DBP: variants seen among roughly 807,000 people sequenced by gnomAD.
DBP encodes the protein D-box binding PAR bZIP transcription factor.
In DBP, 12 loss-of-function variants were observed where a neutral mutation model predicts 21.4. The ratio of observed to expected loss-of-function variants is 0.56; its 90% CI spans 0.36 to 0.91. The LOEUF (loss-of-function observed/expected upper bound fraction) is 0.91. DBP is among the 40% of genes least tolerant of loss of function. DBP has a pLI of 0.01. For missense variants in DBP, 423 were observed against 473.4 expected, an observed-to-expected ratio of 0.89 and a Z score of 0.99; for synonymous variants, 213 against 224.9, an observed-to-expected ratio of 0.95 and a Z score of 0.47.
Position 48,636,008 on chromosome 19 carries a change from C to A in DBP, c.140-18G>T. On this transcript the variant is annotated intron_variant, in intron 1 of 3. Transcript: ENST00000222122. Reference sequence around the variant, plus strand: ...CAGGAGACCTGCGGGCCGGGAAAGACGGGTTGGGATGAGGGTGAGGTGGGG... The same window carrying A: ...CAGGAGACCTGCGGGCCGGGAAAGAAGGGTTGGGATGAGGGTGAGGTGGGG... 6.7e-7 allele frequency: 1 copy of A among 1,497,120 alleles called. No individual in the cohort carries two copies. The allele number at this position is 1,497,120 out of a possible 1,614,324, so 92.7% of individuals were successfully genotyped here.
At position 48,633,599 on chromosome 19, in the gene DBP, TC is replaced by T; in HGVS notation, c.606del (p.Met203Ter). ...TCAGCTGGGTCGGGTTCAAAGGTCA[TC>T]AACACCTCCACGGTGTCTGGGTCCA... ...SPVDPDTVEV[L>X]MTFEPDPADL... On this transcript the variant is annotated frameshift_variant, in exon 3 of 4. Transcript: ENST00000222122. LOFTEE classifies it high-confidence loss of function. The T allele has an allele frequency of 6.2e-7, 1 of 1,614,176 alleles. No homozygotes were observed. Among genetic ancestry groups the T allele is most frequent in the Non-Finnish European group, 8.5e-7 (1 of 1,180,040 alleles).
rs781394032 is a variant in DBP, at chr19:48,633,523, T to A, written c.683A>T (p.His228Leu). ...CTTAAGTTCCTCTTCTGAGAAGCGA[T>A]GTCTTCGAGGGTCAAAGGTCTCGTG... The part of the protein sequence containing the change: ...PGHETFDPRR[H>L]RFSEEELKPQ... The change falls in exon 3 of 4, where the codon CAT becomes CTT. Residue 228 changes from histidine (H) to leucine (L), a missense_variant. By Grantham distance (99) the His-to-Leu change is moderately conservative. This residue lies in a region of DBP where 77 missense variants were observed against 97.1 expected (regional missense o/e 0.79). Coordinates refer to ENST00000222122, the MANE Select transcript of DBP (RefSeq NM_001352.5). The A allele has an allele frequency of 6.2e-7, 1 of 1,614,086 alleles. No homozygotes were observed. The highest frequency in any genetic ancestry group is 8.5e-7 in the Non-Finnish European group (1 of 1,180,040).
At chr19:48,631,936 T>C (rs2030606169) in intron 3 of DBP, 1 of 152,114 alleles carries the variant, frequency 6.6e-6, no homozygotes, top group African/African-American at 2.4e-5. Context: ...GTGCTTCAAG[T>C]AGCTATGTGT....
At position 48,637,271 on chromosome 19, in the gene DBP, TGA is replaced by T; in HGVS notation, c.-279_-278del. Reference sequence around the variant, plus strand: ...GCGGTCGGCTCTTTGCAACCGAGGGTGAGAGGGGACTCAAGGCGCTCCTTCTA... The same window carrying T: ...GCGGTCGGCTCTTTGCAACCGAGGGTGAGGGGACTCAAGGCGCTCCTTCTA... On this transcript the variant is annotated 5_prime_UTR_variant, in exon 1 of 4. Transcript: ENST00000222122. 5.4e-6 allele frequency: 2 copies of T among 372,050 alleles called. No individual in the cohort carries two copies. Among genetic ancestry groups the T allele is most frequent in the Non-Finnish European group, 4.8e-6 (1 of 207,976 alleles). 23.0% of individuals were successfully genotyped at this position (372,050 alleles called of 1,614,324 possible). A position where few individuals can be genotyped will look rare whatever the true frequency, so the allele number is the denominator to read the frequency against.
intron 2 of DBP, 87 bp from the exon 3 acceptor site, chr19:48,633,742 A>G (rs548012555): frequency 2.7e-6 from 3 of 1,114,558 alleles, no homozygotes; most frequent in African/African-American, 3.1e-5. Flanking sequence ...TCATAGCCAC[A>G]TGGAAAGTCC....
rs1037720762 is a variant in DBP, at chr19:48,635,674, T to C, written c.456A>G (p.Pro152=). The change falls in exon 2 of 4, where the codon CCA becomes CCG. Residue 152 remains proline, a synonymous_variant. Coordinates refer to ENST00000222122, the MANE Select transcript of DBP (RefSeq NM_001352.5). The part of the protein sequence containing the change: ...PSPARTPAPS[P]GPGSCGSASP... ...AAGCCGAGCCGCACGAACCCGGCCCTGGGGAGGGTGCGGGCGTCCGCGCGG... is the reference window on the plus strand; with the variant it reads ...AAGCCGAGCCGCACGAACCCGGCCCCGGGGAGGGTGCGGGCGTCCGCGCGG... 3 of 1,317,602 alleles carry C rather than the reference T, an allele frequency of 2.3e-6. No individual in the cohort carries two copies. Among genetic ancestry groups the C allele is most frequent in the Non-Finnish European group, 2.9e-6 (3 of 1,041,288 alleles). 81.6% of individuals were successfully genotyped at this position (1,317,602 alleles called of 1,614,324 possible).
rs542756756 is a variant in DBP, at chr19:48,630,668, G to T, written c.*169C>A. On this transcript the variant is annotated 3_prime_UTR_variant, in exon 4 of 4. Transcript: ENST00000222122. The surrounding 1 kb of genome is among the most constrained non-coding windows in gnomAD (Gnocchi z 4.9). ...AGAGAACCCTCCCCGCCCCCGCAAG[G>T]GAGGGGGGAGGCTCGCTTTTTCTTA... 9.0e-6 allele frequency: 13 copies of T among 1,442,462 alleles called. No homozygotes were observed. Among genetic ancestry groups the T allele is most frequent in the Non-Finnish European group, 1.2e-5 (13 of 1,093,852 alleles). The allele number at this position is 1,442,462 out of a possible 1,614,324, so 89.4% of individuals were successfully genotyped here.
At chr19:48,631,155 T>G in intron 3 of DBP, 103 bp from the exon 4 acceptor site, 2 of 1,008,280 alleles carry the variant, frequency 2.0e-6, no homozygotes, top group Non-Finnish European at 2.9e-6. Flanking sequence ...ACCAGGTCTC[T>G]GCTGGGATAG....
At chr19:48,631,365 G>C (rs939424524) in intron 3 of DBP, 11 of 352,610 alleles carry the variant, frequency 3.1e-5, no homozygotes, top group African/African-American at 2.3e-4. Flanking sequence ...TTGTTCCCTA[G>C]CAACAAGGCC....
At chr19:48,633,403 G>A in intron 3 of DBP, 41 bp downstream of exon 3, 1 of 1,591,882 alleles carries the variant, frequency 6.3e-7, no homozygotes, top group Non-Finnish European at 8.6e-7. Context: ...TGTGGGGCAT[G>A]TCTCCAGCCA....
In DBP at chr19:48,635,584, G is replaced by C. The variant is rs2030755124; in HGVS notation, c.546C>G (p.Arg182=). ...GCCCCGCCCCCTTCGCCGCACCTGCGCGGTGGCCGCTGGCGGTCCCGAGGG... is the reference window on the plus strand; with the variant it reads ...GCCCCGCCCCCTTCGCCGCACCTGCCCGGTGGCCGCTGGCGGTCCCGAGGG... ...RAALGTASGH[R]AGLTSRDTPS... The change falls in exon 2 of 4, where the codon CGC becomes CGG. Residue 182 remains arginine, a synonymous_variant. Coordinates refer to ENST00000222122, the MANE Select transcript of DBP (RefSeq NM_001352.5). The C allele has an allele frequency of 1.5e-6, 2 of 1,368,784 alleles. No individual in the cohort carries two copies. The highest frequency in any genetic ancestry group is 7.8e-5 in the Admixed American group (2 of 25,660). The allele number at this position is 1,368,784 out of a possible 1,614,324, so 84.8% of individuals were successfully genotyped here. A position where few individuals can be genotyped will look rare whatever the true frequency, so the allele number is the denominator to read the frequency against.
chr19:48,635,686 G>A lies in DBP; in HGVS notation c.444C>T (p.Pro148=), dbSNP rs940338572. Residue 148 remains proline (P), a synonymous_variant, in exon 2 of 4, where the codon CCC becomes CCT. Coordinates refer to ENST00000222122, the MANE Select transcript of DBP (RefSeq NM_001352.5). The part of the protein sequence containing the change: ...PSPEPSPART[P]APSPGPGSCG... ...ACGAACCCGGCCCTGGGGAGGGTGC[G>A]GGCGTCCGCGCGGGCGACGGCTCCG... The A allele has an allele frequency of 1.5e-6, 2 of 1,321,504 alleles. No individual in the cohort carries two copies. The highest frequency in any genetic ancestry group is 1.9e-6 in the Non-Finnish European group (2 of 1,043,968). 81.9% of individuals were successfully genotyped at this position (1,321,504 alleles called of 1,614,324 possible).
Position 48,637,279 on chromosome 19 carries a change from G to A in DBP, c.-285C>T. 2 of 365,882 alleles carry A rather than the reference G, an allele frequency of 5.5e-6. No individual in the cohort carries two copies. Among genetic ancestry groups the A allele is most frequent in the Admixed American group, 4.5e-5 (1 of 22,368 alleles). The allele number at this position is 365,882 out of a possible 1,614,324, so 22.7% of individuals were successfully genotyped here. On this transcript the variant is annotated 5_prime_UTR_variant, in exon 1 of 4. Coordinates refer to ENST00000222122, the MANE Select transcript of DBP (RefSeq NM_001352.5). ...CTCTTTGCAACCGAGGGTGAGAGGG[G>A]ACTCAAGGCGCTCCTTCTACAAGGT...
chr19:48,637,089 T>A lies in DBP; in HGVS notation c.-95A>T. On this transcript the variant is annotated 5_prime_UTR_variant, in exon 1 of 4. Transcript: ENST00000222122. ...CACTCCAGTGGTTTGGACGAGTGTC[T>A]GCCCAGGGGCGGGCGAGTGTAGCCT... The A allele has an allele frequency of 8.3e-7, 1 of 1,205,052 alleles. No individual in the cohort carries two copies. Among genetic ancestry groups the A allele is most frequent in the East Asian group, 2.8e-5 (1 of 35,608 alleles). 74.6% of individuals were successfully genotyped at this position (1,205,052 alleles called of 1,614,324 possible).
At chr19:48,635,187 T>C (rs2030737249) in intron 2 of DBP, 15 of 1,075,162 alleles carry the variant, frequency 1.4e-5, no homozygotes, top group Non-Finnish European at 1.7e-5. Context: ...ACCTAGGGGC[T>C]CCAGTCCTAT....
intron 2 of DBP, chr19:48,635,132 T>C (rs935717556): frequency 1.6e-5 from 16 of 1,000,712 alleles, no homozygotes; most frequent in Middle Eastern, 5.0e-4. Context: ...ATGTCCTGGG[T>C]AAACAGAATT....
At chr19:48,634,761 G>T (rs2030722567) in intron 2 of DBP, 11 of 985,584 alleles carry the variant, frequency 1.1e-5, no homozygotes, top group Non-Finnish European at 1.3e-5. Context: ...GTCGGACCTG[G>T]AGCAGGTGTG....
chr19:48,634,971 C>T (rs1234887691), intron 2 of DBP: 6 of 985,640 alleles, frequency 6.1e-6, no homozygotes, highest in Non-Finnish European at 7.2e-6. Flanking sequence ...GGATCCCAGG[C>T]CTCTCCTAGG....
In DBP at chr19:48,635,824, T is replaced by A; in HGVS notation, c.306A>T (p.Pro102=). 5 of 1,427,302 alleles carry A rather than the reference T, an allele frequency of 3.5e-6. No individual in the cohort carries two copies. Among genetic ancestry groups the A allele is most frequent in the Non-Finnish European group, 4.5e-6 (5 of 1,099,356 alleles). 88.4% of individuals were successfully genotyped at this position (1,427,302 alleles called of 1,614,324 possible). The change falls in exon 2 of 4, where the codon CCA becomes CCT. Residue 102 remains proline (P), a synonymous_variant. Transcript: ENST00000222122. The stretch of plus-strand genomic sequence containing the variant: ...ACGGCAGCGTGCGCTCCCACAGCAG[T>A]GGCGCCAACAGACCCGGGGCGGGCA... ...GPVPAPGLLA[P]LLWERTLPFG...
Sources: allele counts gnomAD v4.1 joint callset, GRCh38; gene constraint gnomAD v4.1.1; regional missense constraint gnomAD v4.1.1; non-coding constraint Gnocchi (gnomAD v3.1); transcripts MANE v1.5; gene names NCBI Gene and HGNC (gene_info 2026-07-23, HGNC 2026-07-21).